The following NRG3 variants were observed in gnomAD, a reference collection of about 807,000 sequenced individuals.
NRG3 encodes the protein neuregulin 3.
A neutral mutation model predicts 66.9 loss-of-function variants in NRG3; 31 were observed. The observed-to-expected ratio is 0.46, with a 90% CI of 0.35 to 0.63. NRG3 has a LOEUF of 0.63. Among genes scored for constraint, NRG3 ranks in the 20% least tolerant of loss-of-function variants. The probability of loss-of-function intolerance (pLI) is 0.00; values close to 1 mark genes in which losing one functional copy is unlikely to be tolerated. For missense variants in NRG3, 910 were observed against 878.9 expected, an observed-to-expected ratio of 1.04 and a Z score of -0.45; for synonymous variants, 393 against 359.4, an observed-to-expected ratio of 1.09 and a Z score of -1.06.
chr10:82,696,453 C>G (rs896973138), intron 2 of NRG3, among the ~76,000 whole-genome samples: 4 of 151,774 alleles, frequency 2.6e-5, no homozygotes, highest in Non-Finnish European at 5.9e-5. Flanking sequence ...GAGTGAGGGA[C>G]AAACCTGGAA....
chr10:82,610,810 G>A (rs1399491868), intron 2 of NRG3, among the ~76,000 whole-genome samples: 2 of 152,150 alleles, frequency 1.3e-5, no homozygotes, highest in Non-Finnish European at 2.9e-5. Flanking sequence ...TACATCTTGA[G>A]AAGGAAAAGA....
At chr10:82,432,757 G>C (rs116923103) in intron 2 of NRG3, among the ~76,000 whole-genome samples, 1,748 of 152,134 alleles carry the variant, frequency 0.011, 15 homozygotes, top group Non-Finnish European at 0.017. Flanking sequence ...GATGATGATG[G>C]CTTCTAGTGT....
At chr10:82,755,381 T>C (rs1019360770) in intron 3 of NRG3, among the ~76,000 whole-genome samples, 2 of 152,152 alleles carry the variant, frequency 1.3e-5, no homozygotes, top group African/African-American at 4.8e-5. Context: ...CAAAAGGATC[T>C]ACCATTTGTT....
chr10:82,268,828 A>G (rs1295688043), intron 1 of NRG3, among the ~76,000 whole-genome samples: 2 of 152,102 alleles, frequency 1.3e-5, no homozygotes, highest in Non-Finnish European at 2.9e-5. Flanking sequence ...GACCATCTCT[A>G]AGGAAGAGGA....
chr10:82,918,124 G>A (rs1846062980), intron 4 of NRG3, among the ~76,000 whole-genome samples: 1 of 151,724 alleles, frequency 6.6e-6, no homozygotes, highest in African/African-American at 2.4e-5. Flanking sequence ...CCTGAAATAT[G>A]CTCTAATCAC....
chr10:82,658,998 T>G (rs1023231693), intron 2 of NRG3, among the ~76,000 whole-genome samples: 23 of 152,216 alleles, frequency 1.5e-4, no homozygotes, highest in African/African-American at 4.3e-4. Context: ...CTATAATTGT[T>G]GACTCTTTGA....
intron 4 of NRG3, among the ~76,000 whole-genome samples, chr10:82,906,906 T>C (rs1213380928): frequency 6.6e-6 from 1 of 152,202 alleles, no homozygotes; most frequent in African/African-American, 2.4e-5. Context: ...GGCATGATGG[T>C]GATTATACAC....
chr10:82,472,249 G>A (rs921466517), intron 2 of NRG3, among the ~76,000 whole-genome samples: 1 of 152,150 alleles, frequency 6.6e-6, no homozygotes, highest in Non-Finnish European at 1.5e-5. Context: ...TTCGAAATAG[G>A]TTTTGTATGG....
intron 1 of NRG3, among the ~76,000 whole-genome samples, chr10:82,297,189 A>G (rs1170259180): frequency 1.3e-5 from 2 of 152,096 alleles, no homozygotes; most frequent in Non-Finnish European, 2.9e-5. Context: ...CTGTTGATGG[A>G]TACTTAGGTT....
chr10:82,317,987 A>C (rs759874933), intron 1 of NRG3, among the ~76,000 whole-genome samples: 51 of 152,228 alleles, frequency 3.4e-4, no homozygotes, highest in Non-Finnish European at 6.2e-4. Flanking sequence ...AGGCAGAGTA[A>C]AAATTCAGGG....
intron 4 of NRG3, among the ~76,000 whole-genome samples, chr10:82,871,364 T>A (rs994204461): frequency 2.0e-5 from 3 of 152,112 alleles, no homozygotes; most frequent in African/African-American, 7.2e-5. Flanking sequence ...GGGTCCGTCT[T>A]TCAACTTTGT....
chr10:82,616,964 A>T (rs559669276), intron 2 of NRG3, among the ~76,000 whole-genome samples: 3 of 152,332 alleles, frequency 2.0e-5, no homozygotes, highest in East Asian at 3.9e-4. Flanking sequence ...CTGAGATGCT[A>T]AGTAAATTCT....
chr10:82,871,141 G>T (rs1040363085), intron 4 of NRG3, among the ~76,000 whole-genome samples: 8 of 152,090 alleles, frequency 5.3e-5, no homozygotes, highest in African/African-American at 1.9e-4. Flanking sequence ...ATTGAATGTG[G>T]ATGTCAAGTT....
intron 3 of NRG3, among the ~76,000 whole-genome samples, chr10:82,785,682 T>C (rs1377929490): frequency 1.3e-5 from 2 of 152,156 alleles, no homozygotes; most frequent in Non-Finnish European, 2.9e-5. Context: ...AGCAGCAAAG[T>C]GTTTACAGAG....
intron 1 of NRG3, among the ~76,000 whole-genome samples, chr10:81,946,761 AT>A (rs1475914880): frequency 8.5e-5 from 13 of 152,314 alleles, no homozygotes; most frequent in African/African-American, 3.1e-4. Context: ...GAATCTGCTG[AT>A]TACCATAGTC....
intron 1 of NRG3, among the ~76,000 whole-genome samples, chr10:82,183,862 G>A (rs1191740876): frequency 6.6e-6 from 1 of 152,094 alleles, no homozygotes; most frequent in Non-Finnish European, 1.5e-5. Context: ...GTTGAGGTGA[G>A]GAAGATGGTT....
intron 3 of NRG3, among the ~76,000 whole-genome samples, chr10:82,780,188 A>G (rs2060064399): frequency 3.9e-5 from 6 of 152,180 alleles, no homozygotes; most frequent in Admixed American, 3.9e-4. Flanking sequence ...ACATATGTGT[A>G]CATGTGTCTT....
intron 2 of NRG3, among the ~76,000 whole-genome samples, chr10:82,656,731 G>T (rs1385050674): frequency 6.6e-6 from 1 of 152,174 alleles, no homozygotes; most frequent in Non-Finnish European, 1.5e-5. Context: ...TTCTCCATCA[G>T]CAGTCATGGA....
At chr10:82,188,112 A>C (rs756658302) in intron 1 of NRG3, among the ~76,000 whole-genome samples, 1 of 152,186 alleles carries the variant, frequency 6.6e-6, no homozygotes, top group Non-Finnish European at 1.5e-5. Context: ...ATACAAAAAG[A>C]CACAGACATC....
Sources: allele counts gnomAD v4.1 joint callset (sites outside exome capture counted in the v4.1 genomes callset), GRCh38; gene constraint gnomAD v4.1.1; transcripts MANE v1.5; gene names NCBI Gene and HGNC (gene_info 2026-07-23, HGNC 2026-07-21).